The following TENT4B variants were observed in gnomAD, a reference collection of about 807,000 sequenced individuals.
TENT4B encodes the protein PAP associated domain containing 5.
In TENT4B, 10 loss-of-function variants were observed where a neutral mutation model predicts 75.0. The observed-to-expected ratio is 0.13, with a 90% CI of 0.08 to 0.23. The LOEUF is 0.23. Ranked by LOEUF, TENT4B falls within the 10% of genes least tolerant of loss-of-function variation. TENT4B has a pLI of 1.00. For missense variants in TENT4B, 579 were observed against 893.8 expected, an observed-to-expected ratio of 0.65 and a Z score of 4.49; for synonymous variants, 350 against 357.7, an observed-to-expected ratio of 0.98 and a Z score of 0.24.
At chr16:50,179,090 C>CGGT (rs1433274246) in intron 1 of TENT4B, among the ~76,000 whole-genome samples, 4 of 152,130 alleles carry the variant, frequency 2.6e-5, no homozygotes, top group African/African-American at 9.7e-5. Context: ...CAGCCGGGTG[C>CGGT]GGTGGCTCAC....
At position 50,227,868 on chromosome 16, in the gene TENT4B, G is replaced by A. The variant is rs768252891; in HGVS notation, c.1830G>A (p.Pro610=). 8.7e-6 allele frequency: 14 copies of A among 1,613,790 alleles called. No homozygotes were observed. The highest frequency in any genetic ancestry group is 8.0e-5 in the African/African-American group (6 of 74,902). ...CCGATGCAACACCATGCAAAACCCC[G>A]AAACAGCTGCTTTGCCGTCCGTCCA... ...VDSDATPCKT[P]KQLLCRPSTG... is the part of the protein sequence containing the mutation. The change falls in exon 11 of 12, where the codon CCG becomes CCA. Residue 610 remains proline (P), a synonymous_variant. Transcript: ENST00000561678.
intron 1 of TENT4B, among the ~76,000 whole-genome samples, chr16:50,155,561 A>G (rs1056982360): frequency 2.0e-5 from 3 of 151,988 alleles, no homozygotes; most frequent in Admixed American, 6.6e-5. Context: ...GCTCTATGCT[A>G]CTATTACAAC....
chr16:50,192,100 C>T (rs11076521), intron 1 of TENT4B, among the ~76,000 whole-genome samples: 90,772 of 151,412 alleles, frequency 0.6, 29,408 homozygotes, highest in South Asian at 0.7. Context: ...AAATTAGCCA[C>T]GCATGGTGGT....
chr16:50,217,943 T>TC, intron 5 of TENT4B, among the ~76,000 whole-genome samples: 1 of 149,170 alleles, frequency 6.7e-6, no homozygotes, highest in Admixed American at 6.6e-5. Flanking sequence ...TTTTTGTATT[T>TC]TTTTTTTTTT....
At chr16:50,210,067 C>T (rs1596728752) in intron 1 of TENT4B, among the ~76,000 whole-genome samples, 1 of 152,116 alleles carries the variant, frequency 6.6e-6, no homozygotes, top group Non-Finnish European at 1.5e-5. Context: ...ACCCCCTGCC[C>T]CTCCTTCCCC....
intron 1 of TENT4B, among the ~76,000 whole-genome samples, chr16:50,156,154 G>C (rs978384014): frequency 1.3e-5 from 2 of 152,044 alleles, no homozygotes; most frequent in Non-Finnish European, 2.9e-5. Flanking sequence ...TTTAAAAACT[G>C]CTTATCACTT....
rs1567518197 is a variant in TENT4B at position 50,231,160 on chromosome 16, CTG to C, written c.*1835_*1836del. 2 of 985,284 alleles carry C rather than the reference CTG, an allele frequency of 2.0e-6. No individual in the cohort carries two copies. Among genetic ancestry groups the C allele is most frequent in the Non-Finnish European group, 2.4e-6 (2 of 829,570 alleles). The allele number at this position is 985,284 out of a possible 1,614,324, so 61.0% of individuals were successfully genotyped here. A position where few individuals can be genotyped will look rare whatever the true frequency, so the allele number is the denominator to read the frequency against. On this transcript the variant is annotated 3_prime_UTR_variant, in exon 12 of 12. Coordinates refer to ENST00000561678, the MANE Select transcript of TENT4B (RefSeq NM_001365324.3). ...TGGAAACTCATAGTACTCGTGTAAA[CTG>C]TGGAAGATTTCAAATGTGATGTTAT...
chr16:50,234,639 A>C lies in TENT4B; in HGVS notation c.*5311A>C. ...TATTGAAACTTACAGAAGTCACTTT[A>C]AAAAAGTCTTTTGAAAGTCCTACAA... On this transcript the variant is annotated 3_prime_UTR_variant, in exon 12 of 12. Transcript: ENST00000561678. The C allele has an allele frequency of 1.0e-6, 1 of 985,272 alleles. No individual in the cohort carries two copies. Among genetic ancestry groups the C allele is most frequent in the Non-Finnish European group, 1.2e-6 (1 of 829,796 alleles). The allele number at this position is 985,272 out of a possible 1,614,324, so 61.0% of individuals were successfully genotyped here. A position where few individuals can be genotyped will look rare whatever the true frequency, so the allele number is the denominator to read the frequency against.
At chr16:50,159,035 G>A (rs1031097073) in intron 1 of TENT4B, among the ~76,000 whole-genome samples, 1 of 152,118 alleles carries the variant, frequency 6.6e-6, no homozygotes, top group Non-Finnish European at 1.5e-5. Flanking sequence ...CCTGCTAGTG[G>A]GGAGCTGAGA....
chr16:50,184,792 T>A (rs1338362657), intron 1 of TENT4B, among the ~76,000 whole-genome samples: 1 of 152,130 alleles, frequency 6.6e-6, no homozygotes, highest in Non-Finnish European at 1.5e-5. Context: ...TGGAGTGTAG[T>A]AGGCTTACTG....
intron 1 of TENT4B, among the ~76,000 whole-genome samples, chr16:50,206,909 G>GT (rs11459737): frequency 0.99 from 144,974 of 146,856 alleles, 71,562 homozygotes; most frequent in South Asian, 0.99. Context: ...ACAGAAGTTT[G>GT]TTTTTTTTTT....
At position 50,196,228 on chromosome 16, in the gene TENT4B, A is replaced by G. The variant is rs182414598; in HGVS notation, c.639-15095A>G. 2.6e-5 allele frequency among the ~76,000 whole-genome samples: 4 copies of G among 152,336 alleles called. No homozygotes were observed. The East Asian group carries it at 5.8e-4, about 22-fold the overall frequency. ...ATCTGAAATGTTTTCAGTTTTGTGCATATCCAGAAAATGTCATCCTGTGAT... is the reference window on the plus strand; with the variant it reads ...ATCTGAAATGTTTTCAGTTTTGTGCGTATCCAGAAAATGTCATCCTGTGAT... On this transcript the variant is annotated intron_variant, in intron 1 of 11. Transcript: ENST00000561678.
At chr16:50,206,268 T>C (rs1213713498) in intron 1 of TENT4B, among the ~76,000 whole-genome samples, 7 of 152,206 alleles carry the variant, frequency 4.6e-5, no homozygotes, top group African/African-American at 1.7e-4. Context: ...TAATTTATAC[T>C]TCCCCACATG....
In TENT4B at chr16:50,234,315, A is replaced by G. The variant is rs761313132; in HGVS notation, c.*4987A>G. ...ATGGTGAGGTGTGGTGGAATTGGGT[A>G]GGGGAGGGAAAGGAGGACTTGGAAA... is the stretch of plus-strand genomic sequence containing the variant. On this transcript the variant is annotated 3_prime_UTR_variant, in exon 12 of 12. Coordinates refer to ENST00000561678, the MANE Select transcript of TENT4B (RefSeq NM_001365324.3). The G allele has an allele frequency of 1.2e-5, 12 of 984,746 alleles. No homozygotes were observed. Among genetic ancestry groups the G allele is most frequent in the Non-Finnish European group, 1.3e-5 (11 of 829,808 alleles). The allele number at this position is 984,746 out of a possible 1,614,324, so 61.0% of individuals were successfully genotyped here.
At position 50,234,458 on chromosome 16, in the gene TENT4B, T is replaced by G. The variant is rs1205324086; in HGVS notation, c.*5130T>G. On this transcript the variant is annotated 3_prime_UTR_variant, in exon 12 of 12. Transcript: ENST00000561678. ...TCAGCCACATTCTTGGAGTTAATAT[T>G]TTTCTTCATCTTTCAGTTTGGGTTC... The G allele has an allele frequency of 2.0e-6, 2 of 985,336 alleles. No homozygotes were observed. The highest frequency in any genetic ancestry group is 5.2e-4 in the Middle Eastern group (1 of 1,936). 61.0% of individuals were successfully genotyped at this position (985,336 alleles called of 1,614,324 possible).
intron 1 of TENT4B, among the ~76,000 whole-genome samples, chr16:50,179,260 G>C (rs1267227004): frequency 6.6e-6 from 1 of 150,808 alleles, no homozygotes; most frequent in Non-Finnish European, 1.5e-5. Context: ...TACTTGGGAG[G>C]CTGAGGCAGG....
In TENT4B at chr16:50,188,492, C is replaced by CT. The variant is rs560747036; in HGVS notation, c.639-22830dup. ...GAAATCTCTGGGCAGCTCTGTGTTT[C>CT]TAGGGAAGCATCTCGATGATCCAGA... On this transcript the variant is annotated intron_variant, in intron 1 of 11. Transcript: ENST00000561678. Among the ~76,000 whole-genome samples the CT allele has an allele frequency of 4.7e-3, 712 of 152,240 alleles. 3 individuals carry two copies. Among genetic ancestry groups the CT allele is most frequent in the Middle Eastern group, 0.014 (4 of 294 alleles).
At chr16:50,152,952 C>A, upstream of TENT4B, 1 of 1,507,712 alleles carries the variant, frequency 6.6e-7, no homozygotes, top group Non-Finnish European at 8.8e-7. Context: ...CGGCAACCTC[C>A]ATGCGGCCTC....
Position 50,211,420 on chromosome 16 carries a change from A to G in TENT4B, c.736A>G (p.Ile246Val). 4 of 1,604,422 alleles carry G rather than the reference A, an allele frequency of 2.5e-6. No homozygotes were observed. The highest frequency in any genetic ancestry group is 3.4e-6 in the Non-Finnish European group (4 of 1,177,652). Residue 246 changes from isoleucine to valine, a missense_variant, in exon 2 of 12, where the codon ATT (isoleucine) becomes GTT (valine). Ile to Val is a conservative substitution (Grantham distance 29). Around this residue, in one of 7 missense-constraint regions of TENT4B, gnomAD observed 18 missense variants for 23.9 expected, o/e 0.75. Transcript: ENST00000561678. ...GGTGGTGAACAGGATCGAGAGTGTA[A>G]TTAAGGAGCTCTGGCCCAGCGCTGA... is the stretch of plus-strand genomic sequence containing the variant. ...MEVVNRIESVIKELWPSADVQ... is the reference protein window; with the variant it reads ...MEVVNRIESVVKELWPSADVQ...
Sources: allele counts gnomAD v4.1 joint callset (sites outside exome capture counted in the v4.1 genomes callset), GRCh38; gene constraint gnomAD v4.1.1; regional missense constraint gnomAD v4.1.1; transcripts MANE v1.5; gene names NCBI Gene and HGNC (gene_info 2026-07-23, HGNC 2026-07-21).